Variants in PAN3 observed in about 807,000 individuals in gnomAD.
PAN3 encodes poly(A) specific ribonuclease subunit PAN3, also known as PAN2-PAN3 deadenylation complex subunit PAN3.
PAN3 carries 19 observed loss-of-function variants against 96.2 expected under a neutral mutation model. That is an observed-to-expected ratio of 0.20 (90% CI 0.14 to 0.29). The LOEUF (loss-of-function observed/expected upper bound fraction) is 0.29. Among genes scored for constraint, PAN3 ranks in the 10% least tolerant of loss-of-function variants. The pLI is 1.00. For missense variants in PAN3, 882 were observed against 1,108.1 expected (o/e 0.80, Z 2.90); for synonymous variants, 433 against 406.6 (o/e 1.06, Z -0.78).
At chr13:28,151,372 G>C (rs1204979991) in intron 1 of PAN3, among the ~76,000 whole-genome samples, 2 of 151,926 alleles carry the variant, frequency 1.3e-5, no homozygotes, top group Non-Finnish European at 2.9e-5. Flanking sequence ...AAAATTAGCC[G>C]GGCATGGTGG....
intron 2 of PAN3, 77 bp from the exon 3 acceptor site, chr13:28,176,416 G>A: frequency 7.7e-7 from 1 of 1,298,346 alleles, no homozygotes; most frequent in Non-Finnish European, 1.1e-6. Flanking sequence ...GAAGCAAAGA[G>A]AGCCAGTCTT....
intron 6 of PAN3, among the ~76,000 whole-genome samples, chr13:28,240,297 TA>T (rs1206517972): frequency 6.6e-6 from 1 of 152,132 alleles, no homozygotes; most frequent in Non-Finnish European, 1.5e-5. Flanking sequence ...AGCTACAGAA[TA>T]AAAAGCTTCA....
chr13:28,248,012 T>G (rs1884368179), intron 6 of PAN3, among the ~76,000 whole-genome samples: 1 of 152,250 alleles, frequency 6.6e-6, no homozygotes, highest in Non-Finnish European at 1.5e-5. Context: ...TTGGGTAGTA[T>G]TAACATTTTA....
chr13:28,139,479 A>G (rs922761725), intron 1 of PAN3, among the ~76,000 whole-genome samples: 1 of 133,498 alleles, frequency 7.5e-6, no homozygotes, highest in South Asian at 2.5e-4. Flanking sequence ...TGGCGTCTGC[A>G]GAGTGTTGAG....
At chr13:28,272,770 T>C (rs1476512024) in intron 14 of PAN3, among the ~76,000 whole-genome samples, 1 of 152,134 alleles carries the variant, frequency 6.6e-6, no homozygotes, top group Admixed American at 6.5e-5. Flanking sequence ...GGTTTCTCCA[T>C]GTTGGTCAGG....
chr13:28,192,928 T>A (rs1877478077), intron 4 of PAN3, among the ~76,000 whole-genome samples: 1 of 152,232 alleles, frequency 6.6e-6, no homozygotes, highest in Non-Finnish European at 1.5e-5. Flanking sequence ...TCTTTTCAGA[T>A]GTTATTTTGT....
At chr13:28,160,330 A>G (rs1041348532) in intron 1 of PAN3, among the ~76,000 whole-genome samples, 11 of 152,188 alleles carry the variant, frequency 7.2e-5, no homozygotes, top group Non-Finnish European at 1.3e-4. Context: ...AGTCTTTATG[A>G]TAGTTAAAGG....
Position 28,229,288 on chromosome 13 carries a change from T to C in PAN3, c.1000+8910T>C, listed in dbSNP as rs45611135. On this transcript the variant is annotated intron_variant, in intron 6 of 18. Transcript: ENST00000380958. ...TCACCAAAGCAGCTGCAATAACTGA[T>C]TTATCTAGCGTCAGGGGAAATGAAT... 3.6e-3 allele frequency among the ~76,000 whole-genome samples: 547 copies of C among 152,350 alleles called. 3 individuals are homozygous for C. The highest frequency in any genetic ancestry group is 5.4e-3 in the Non-Finnish European group (367 of 68,024).
At chr13:28,249,616 T>A (rs1172920372) in intron 6 of PAN3, among the ~76,000 whole-genome samples, 1 of 151,862 alleles carries the variant, frequency 6.6e-6, no homozygotes, top group Non-Finnish European at 1.5e-5. Flanking sequence ...ACCTGGCTAA[T>A]TTTTTGTATT....
At chr13:28,152,334 A>G (rs763329507) in intron 1 of PAN3, among the ~76,000 whole-genome samples, 62 of 152,134 alleles carry the variant, frequency 4.1e-4, no homozygotes, top group Non-Finnish European at 7.8e-4. Context: ...CTGTAATCCC[A>G]CTACTTTGGG....
chr13:28,184,252 A>G (rs918425675), intron 4 of PAN3, among the ~76,000 whole-genome samples: 2 of 151,272 alleles, frequency 1.3e-5, no homozygotes, highest in African/African-American at 4.9e-5. Flanking sequence ...GTTCCAGATA[A>G]TATGGTAAAC....
chr13:28,278,047 G>C (rs765866159), intron 15 of PAN3, among the ~76,000 whole-genome samples: 2 of 152,280 alleles, frequency 1.3e-5, no homozygotes, highest in Non-Finnish European at 2.9e-5. Flanking sequence ...AGATCCCAGA[G>C]GGTGGGCAAC....
Position 28,201,757 on chromosome 13 carries a change from G to T in PAN3, c.852+4411G>T, listed in dbSNP as rs573675765. ...TGGCTCCATGTGAGCTCCTGTTCTT[G>T]GTTCACTTGTTCTTTGCTTTTTCTT... On this transcript the variant is annotated intron_variant, in intron 5 of 18. Coordinates refer to ENST00000380958, the MANE Select transcript of PAN3 (RefSeq NM_175854.8). Among the ~76,000 whole-genome samples the T allele has an allele frequency of 2.6e-5, 4 of 152,034 alleles. No individual in the cohort carries two copies. In the East Asian group the frequency reaches 7.7e-4, roughly 29 times the overall value.
intron 1 of PAN3, among the ~76,000 whole-genome samples, chr13:28,171,406 G>C (rs1263020456): frequency 1.3e-5 from 2 of 152,278 alleles, no homozygotes; most frequent in South Asian, 2.1e-4. Context: ...CTTGGAGTTA[G>C]TGCGGACTCC....
At chr13:28,255,552 G>GGTTGTGGTTGTTCCACTGGAAC (rs1885069134) in intron 6 of PAN3, among the ~76,000 whole-genome samples, 1 of 152,000 alleles carries the variant, frequency 6.6e-6, no homozygotes, top group African/African-American at 2.4e-5. Context: ...GTTTCTTACT[G>GGTTGTGGTTGTTCCACTGGAAC]GTTGTGGTTG....
At chr13:28,180,111 A>G (rs796864184) in intron 4 of PAN3, among the ~76,000 whole-genome samples, 5 of 152,282 alleles carry the variant, frequency 3.3e-5, no homozygotes, top group East Asian at 1.9e-4. Flanking sequence ...TTTGTGACCT[A>G]TGGCCAACTT....
At chr13:28,201,232 T>G (rs1878658341) in intron 5 of PAN3, among the ~76,000 whole-genome samples, 1 of 150,998 alleles carries the variant, frequency 6.6e-6, no homozygotes, top group Non-Finnish European at 1.5e-5. Flanking sequence ...TTTGTAAAGA[T>G]GGGGTCTTGC....
intron 9 of PAN3, among the ~76,000 whole-genome samples, chr13:28,264,593 A>C (rs1886007587): frequency 6.6e-6 from 1 of 152,214 alleles, no homozygotes; most frequent in African/African-American, 2.4e-5. Context: ...TTGCTTTCCA[A>C]GGGATATCAA....
intron 6 of PAN3, among the ~76,000 whole-genome samples, chr13:28,230,162 T>G (rs1882391490): frequency 6.6e-6 from 1 of 152,102 alleles, no homozygotes; most frequent in African/African-American, 2.4e-5. Flanking sequence ...TGGCTGAGGC[T>G]AGTATCACTT....
Sources: allele counts gnomAD v4.1 joint callset (sites outside exome capture counted in the v4.1 genomes callset), GRCh38; gene constraint gnomAD v4.1.1; transcripts MANE v1.5; gene names NCBI Gene and HGNC (gene_info 2026-07-23, HGNC 2026-07-21).